The following SPATA2L variants were observed in gnomAD, a reference collection of about 807,000 sequenced individuals.
SPATA2L encodes spermatogenesis associated 2 like.
Under a neutral mutation model 8.7 loss-of-function variants are expected in SPATA2L, and 5 were observed. The observed-to-expected ratio is 0.57, with a 90% CI of 0.30 to 1.21. The LOEUF is 1.21. Among genes scored for constraint, SPATA2L ranks in the 50% most tolerant of loss-of-function variants. SPATA2L has a pLI of 0.07. For missense variants in SPATA2L, 671 were observed against 591.0 expected, an observed-to-expected ratio of 1.14 and a Z score of -1.40; for synonymous variants, 358 against 275.8, an observed-to-expected ratio of 1.30 and a Z score of -2.95.
intron 2 of SPATA2L, among the ~76,000 whole-genome samples, chr16:89,699,166 C>A (rs1347127187): frequency 6.6e-6 from 1 of 152,208 alleles, no homozygotes; most frequent in African/African-American, 2.4e-5. Context: ...AGCCCCTGTA[C>A]TGAGAAATTC....
At chr16:89,700,345 A>C (rs1044960001) in intron 2 of SPATA2L, among the ~76,000 whole-genome samples, 1 of 152,034 alleles carries the variant, frequency 6.6e-6, no homozygotes, top group Admixed American at 6.5e-5. Flanking sequence ...GTGCCCAGTG[A>C]CGTCATCGGC....
chr16:89,698,694 CCATGCTGGT>C (rs2060755250), intron 2 of SPATA2L, among the ~76,000 whole-genome samples: 1 of 151,822 alleles, frequency 6.6e-6, no homozygotes, highest in East Asian at 1.9e-4. Flanking sequence ...ACCATGTTGG[CCATGCTGGT>C]CTCAAACTCC....
intron 2 of SPATA2L, among the ~76,000 whole-genome samples, chr16:89,700,555 G>A (rs1482846793): frequency 6.6e-6 from 1 of 152,208 alleles, no homozygotes; most frequent in Non-Finnish European, 1.5e-5. Flanking sequence ...GGCCTCCTCT[G>A]CAAATGGGAT....
In SPATA2L at chr16:89,697,774, C is replaced by T. The variant is rs1402274995; in HGVS notation, c.835G>A (p.Glu279Lys). 6.2e-7 allele frequency: 1 copy of T among 1,600,648 alleles called. No homozygotes were observed. Among genetic ancestry groups the T allele is most frequent in the East Asian group, 2.3e-5 (1 of 43,886 alleles). Residue 279 changes from glutamate to lysine, a missense_variant, in exon 3 of 3, where the codon GAG becomes AAG. Physicochemically the swap from Glu to Lys is moderately conservative, Grantham distance 56. Coordinates refer to ENST00000289805, the MANE Select transcript of SPATA2L (RefSeq NM_152339.4). Reference protein sequence around the residue: ...KLWGTGGRAWEPPAEELPQAS... With the variant: ...KLWGTGGRAWKPPAEELPQAS... Reference sequence around the variant, plus strand: ...TGCGGCAGCTCCTCAGCTGGGGGCTCCCAGGCCCGGCCCCCAGTGCCCCAC... The same window carrying T: ...TGCGGCAGCTCCTCAGCTGGGGGCTTCCAGGCCCGGCCCCCAGTGCCCCAC...
chr16:89,696,614 C>A lies in SPATA2L; in HGVS notation c.*720G>T, dbSNP rs528556262. The stretch of plus-strand genomic sequence containing the variant: ...GGGAGGGGCACCATTACCACTGGAC[C>A]CACCAAGACCCCGCCGCCTGGGCGG... On this transcript the variant is annotated 3_prime_UTR_variant, in exon 3 of 3. Transcript: ENST00000289805. The A allele has an allele frequency of 2.9e-5, 18 of 613,126 alleles. No individual in the cohort carries two copies. In the East Asian group the frequency reaches 4.9e-4, roughly 17 times the overall value. The allele number at this position is 613,126 out of a possible 1,614,324, so 38.0% of individuals were successfully genotyped here. A position where few individuals can be genotyped will look rare whatever the true frequency, so the allele number is the denominator to read the frequency against.
rs1460982253 is a variant in SPATA2L at position 89,696,768 on chromosome 16, G to A, written c.*566C>T. The A allele has an allele frequency of 1.3e-6, 2 of 1,530,042 alleles. No homozygotes were observed. Among genetic ancestry groups the A allele is most frequent in the Non-Finnish European group, 8.8e-7 (1 of 1,142,764 alleles). 94.8% of individuals were successfully genotyped at this position (1,530,042 alleles called of 1,614,324 possible). A position where few individuals can be genotyped will look rare whatever the true frequency, so the allele number is the denominator to read the frequency against. The stretch of plus-strand genomic sequence containing the variant: ...TGAGGTCAGGTCATTTCCTGTCTGT[G>A]GGCCCAGCTGCTGTGACACCCAAGG... On this transcript the variant is annotated 3_prime_UTR_variant, in exon 3 of 3. Transcript: ENST00000289805.
rs3751696 is a variant in SPATA2L, at chr16:89,697,211, A to T, written c.*123T>A. 579,937 of 1,387,672 alleles carry T rather than the reference A, an allele frequency of 0.42. 124,816 individuals are homozygous for T. Among genetic ancestry groups the T allele is most frequent in the African/African-American group, 0.61 (41,710 of 68,640 alleles). The allele number at this position is 1,387,672 out of a possible 1,614,324, so 86.0% of individuals were successfully genotyped here. On this transcript the variant is annotated 3_prime_UTR_variant, in exon 3 of 3. Coordinates refer to ENST00000289805, the MANE Select transcript of SPATA2L (RefSeq NM_152339.4). ...AGCAAGGGTTGGCCTGGACTCTCCAACCCCCTGCTGTGCCCAGGACTCCCC... is the reference window on the plus strand; with the variant it reads ...AGCAAGGGTTGGCCTGGACTCTCCATCCCCCTGCTGTGCCCAGGACTCCCC...
In SPATA2L at chr16:89,697,610, C is replaced by T. The variant is rs746551655; in HGVS notation, c.999G>A (p.Pro333=). The change falls in exon 3 of 3, where the codon CCG becomes CCA. Residue 333 remains proline (P), a synonymous_variant. Coordinates refer to ENST00000289805, the MANE Select transcript of SPATA2L (RefSeq NM_152339.4). ...ATPESSAAAS[P]RRIRAEGVPA... is the part of the protein sequence containing the mutation. ...GTACCCCCTCTGCCCGAATACGCCT[C>T]GGGCTGGCCGCTGCAGAGCTTTCAG... The T allele has an allele frequency of 2.4e-5, 38 of 1,604,102 alleles. No individual in the cohort carries two copies. The highest frequency in any genetic ancestry group is 3.3e-4 in the Middle Eastern group (2 of 6,058).
At position 89,696,947 on chromosome 16, in the gene SPATA2L, C is replaced by T. The variant is rs2060733939; in HGVS notation, c.*387G>A. ...AATCCCTGGGACACGTGGAGGACCC[C>T]CAAGTCCTGAGCCCCGTACTCCGTA... On this transcript the variant is annotated 3_prime_UTR_variant, in exon 3 of 3. Coordinates refer to ENST00000289805, the MANE Select transcript of SPATA2L (RefSeq NM_152339.4). 1 of 1,508,176 alleles carries T rather than the reference C, an allele frequency of 6.6e-7. No individual in the cohort carries two copies. The highest frequency in any genetic ancestry group is 2.0e-5 in the Admixed American group (1 of 49,664). 93.4% of individuals were successfully genotyped at this position (1,508,176 alleles called of 1,614,324 possible). A position where few individuals can be genotyped will look rare whatever the true frequency, so the allele number is the denominator to read the frequency against.
intron 2 of SPATA2L, among the ~76,000 whole-genome samples, chr16:89,699,702 C>T (rs757798192): frequency 3.9e-5 from 6 of 152,174 alleles, no homozygotes; most frequent in Non-Finnish European, 5.9e-5. Flanking sequence ...AGGCGCGTGC[C>T]ACCACACCCA....
chr16:89,697,655 C>G lies in SPATA2L; in HGVS notation c.954G>C (p.Arg318Ser). 6.2e-7 allele frequency: 1 copy of G among 1,609,688 alleles called. No individual in the cohort carries two copies. The highest frequency in any genetic ancestry group is 8.5e-7 in the Non-Finnish European group (1 of 1,179,840). ...SFLSLRRELS[R>S]PGDLATPESS... ...TTTCAGGGGTGGCCAGGTCCCCAGG[C>G]CTACTCAGCTCACGGCGCAGAGAGA... Residue 318 changes from arginine (R) to serine (S), a missense_variant, in exon 3 of 3, where the codon AGG (arginine) becomes AGC (serine). Coordinates refer to ENST00000289805, the MANE Select transcript of SPATA2L (RefSeq NM_152339.4).
At position 89,697,212 on chromosome 16, in the gene SPATA2L, C is replaced by A. The variant is rs1347132457; in HGVS notation, c.*122G>T. On this transcript the variant is annotated 3_prime_UTR_variant, in exon 3 of 3. Transcript: ENST00000289805. ...GCAAGGGTTGGCCTGGACTCTCCAA[C>A]CCCCTGCTGTGCCCAGGACTCCCCC... 6 of 1,391,248 alleles carry A rather than the reference C, an allele frequency of 4.3e-6. No homozygotes were observed. The highest frequency in any genetic ancestry group is 3.7e-6 in the Non-Finnish European group (4 of 1,075,996). 86.2% of individuals were successfully genotyped at this position (1,391,248 alleles called of 1,614,324 possible). A position where few individuals can be genotyped will look rare whatever the true frequency, so the allele number is the denominator to read the frequency against.
chr16:89,701,374 C>T (rs895478880), intron 1 of SPATA2L, 141 bp from the exon 2 acceptor site: 3 of 776,428 alleles, frequency 3.9e-6, no homozygotes, highest in Admixed American at 8.4e-5. Context: ...CCCCCGGTAT[C>T]TTCGGCACCC....
chr16:89,697,009 C>CACAA lies in SPATA2L; in HGVS notation c.*324_*325insTTGT, dbSNP rs1443541168. On this transcript the variant is annotated 3_prime_UTR_variant, in exon 3 of 3. Coordinates refer to ENST00000289805, the MANE Select transcript of SPATA2L (RefSeq NM_152339.4). ...AGGCCAGGAGCCACGGGCCTTGGGG[C>CACAA]ACAGGGTCCTTCTCAGGGACAGGTT... 7.7e-6 allele frequency: 11 copies of CACAA among 1,421,902 alleles called. No individual in the cohort carries two copies. The highest frequency in any genetic ancestry group is 1.0e-5 in the Non-Finnish European group (11 of 1,086,744). 88.1% of individuals were successfully genotyped at this position (1,421,902 alleles called of 1,614,324 possible).
At position 89,698,430 on chromosome 16, in the gene SPATA2L, G is replaced by C; in HGVS notation, c.304-125C>G. ...TCTGATGCTCAGACCCAACCCCAGAGACTAGGCTTAGCCAGCTTGGGCCAG... is the reference window on the plus strand; with the variant it reads ...TCTGATGCTCAGACCCAACCCCAGACACTAGGCTTAGCCAGCTTGGGCCAG... On this transcript the variant is annotated intron_variant, in intron 2 of 2. Coordinates refer to ENST00000289805, the MANE Select transcript of SPATA2L (RefSeq NM_152339.4). The C allele has an allele frequency of 3.6e-6, 3 of 824,992 alleles. No individual in the cohort carries two copies. In the South Asian group the frequency reaches 7.3e-5, roughly 20 times the overall value. The allele number at this position is 824,992 out of a possible 1,614,324, so 51.1% of individuals were successfully genotyped here.
In SPATA2L at chr16:89,698,012, C is replaced by A. The variant is rs1460518810; in HGVS notation, c.597G>T (p.Leu199=). 6.2e-7 allele frequency: 1 copy of A among 1,600,320 alleles called. No individual in the cohort carries two copies. Among genetic ancestry groups the A allele is most frequent in the African/African-American group, 1.3e-5 (1 of 74,796 alleles). The change falls in exon 3 of 3, where the codon CTG becomes CTT. Residue 199 remains leucine (L), a synonymous_variant. Transcript: ENST00000289805. ...SGDVASCVAW[L]QQRLAQDEEP... ...CCTCATCCTGGGCCAGCCGCTGCTG[C>A]AGCCAGGCCACACAGGAGGCCACGT... is the stretch of plus-strand genomic sequence containing the variant.
Position 89,701,635 on chromosome 16 carries a change from T to G in SPATA2L, c.-9A>C. 1 of 181,820 alleles carries G rather than the reference T, an allele frequency of 5.5e-6. No individual in the cohort carries two copies. The highest frequency in any genetic ancestry group is 2.3e-5 in the African/African-American group (1 of 42,662). 11.3% of individuals were successfully genotyped at this position (181,820 alleles called of 1,614,324 possible). On this transcript the variant is annotated 5_prime_UTR_variant, in exon 1 of 3. Transcript: ENST00000289805. ...CGCGGGTGACGGCGCTACCTGTCTG[T>G]CCCCAGCGGTCTCCGGCCGCCGCGG...
At chr16:89,700,837 CCT>C in intron 2 of SPATA2L, 91 bp downstream of exon 2, 2 of 1,323,134 alleles carry the variant, frequency 1.5e-6, no homozygotes, top group Non-Finnish European at 2.0e-6. Flanking sequence ...ACTTGAAGCC[CCT>C]CTCTCTCGAA....
In SPATA2L at chr16:89,697,384, G is replaced by C; in HGVS notation, c.1225C>G (p.Arg409Gly). The C allele has an allele frequency of 6.3e-7, 1 of 1,587,264 alleles. No homozygotes were observed. The highest frequency in any genetic ancestry group is 8.6e-7 in the Non-Finnish European group (1 of 1,166,594). The stretch of plus-strand genomic sequence containing the variant: ...TAGAGCAGAGTGTCCATCTGTGCAC[G>C]CTGTAGCCACAAGCGCCGCTGGGCG... ...GDAQRRLWLQ[R>G]AQMDTLLYNS... is the part of the protein sequence containing the mutation. Residue 409 changes from arginine to glycine, a missense_variant, in exon 3 of 3, where the codon CGT (arginine) becomes GGT (glycine). By Grantham distance (125) the Arg-to-Gly change is moderately radical. Transcript: ENST00000289805.
Sources: allele counts gnomAD v4.1 joint callset (sites outside exome capture counted in the v4.1 genomes callset), GRCh38; gene constraint gnomAD v4.1.1; transcripts MANE v1.5; gene names NCBI Gene and HGNC (gene_info 2026-07-23, HGNC 2026-07-21).